ZNF704: variants seen among roughly 807,000 people sequenced by gnomAD.
ZNF704 encodes zinc finger protein 704.
Under a neutral mutation model 44.7 loss-of-function variants are expected in ZNF704, and 10 were observed. The ratio of observed to expected loss-of-function variants is 0.22; its 90% CI spans 0.14 to 0.38. The LOEUF (loss-of-function observed/expected upper bound fraction) is 0.38. Among genes scored for constraint, ZNF704 ranks in the 10% least tolerant of loss-of-function variants. The pLI, the probability that ZNF704 is intolerant of heterozygous loss-of-function variation, is 1.00. For synonymous variants in ZNF704, 211 were observed against 207.6 expected (o/e 1.02, Z -0.14); for missense variants, 390 against 545.5 (o/e 0.71, Z 2.84).
intron 2 of ZNF704, among the ~76,000 whole-genome samples, chr8:80,718,484 GT>G (rs1819109892): frequency 1.3e-5 from 2 of 152,180 alleles, no homozygotes; most frequent in South Asian, 4.1e-4. Context: ...GCTTCAGCCC[GT>G]AAAATTGGAC....
At chr8:80,660,640 T>C (rs1466449014) in intron 6 of ZNF704, among the ~76,000 whole-genome samples, 2 of 151,974 alleles carry the variant, frequency 1.3e-5, no homozygotes, top group Non-Finnish European at 2.9e-5. Context: ...GTCCACATAT[T>C]TACAACCAAC....
intron 2 of ZNF704, among the ~76,000 whole-genome samples, chr8:80,766,690 C>A (rs1268551027): frequency 6.6e-6 from 1 of 152,032 alleles, no homozygotes; most frequent in Non-Finnish European, 1.5e-5. Context: ...AAGGACATTA[C>A]CGTTATCCAG....
intron 2 of ZNF704, among the ~76,000 whole-genome samples, chr8:80,797,925 T>C (rs754629566): frequency 1.3e-4 from 20 of 152,184 alleles, no homozygotes; most frequent in Non-Finnish European, 2.8e-4. Context: ...ATAAATTCCA[T>C]TTTAAGTCAA....
At chr8:80,793,791 T>C (rs1586031896) in intron 2 of ZNF704, among the ~76,000 whole-genome samples, 1 of 152,318 alleles carries the variant, frequency 6.6e-6, no homozygotes, top group South Asian at 2.1e-4. Context: ...GTTTCATTAA[T>C]TTTATTGACC....
At chr8:80,692,367 C>A (rs189679245) in intron 3 of ZNF704, among the ~76,000 whole-genome samples, 1 of 152,058 alleles carries the variant, frequency 6.6e-6, no homozygotes, top group Admixed American at 6.6e-5. Context: ...GAATTACAGG[C>A]GATAAGGCAA....
chr8:80,762,820 G>T (rs371321738), intron 2 of ZNF704, among the ~76,000 whole-genome samples: 3 of 152,274 alleles, frequency 2.0e-5, no homozygotes, highest in East Asian at 1.9e-4. Context: ...CCTATCAAAA[G>T]CAAGTTAGTT....
chr8:80,804,777 G>A (rs778071861), intron 2 of ZNF704, among the ~76,000 whole-genome samples: 5 of 151,996 alleles, frequency 3.3e-5, no homozygotes, highest in Non-Finnish European at 4.4e-5. Context: ...AACCACCATG[G>A]CACATGTTTA....
intron 2 of ZNF704, among the ~76,000 whole-genome samples, chr8:80,764,120 C>T (rs1807178750): frequency 6.6e-6 from 1 of 152,210 alleles, no homozygotes; most frequent in African/African-American, 2.4e-5. Flanking sequence ...CTGCCTGTTA[C>T]CCAGTTCCAA....
chr8:80,696,958 G>A (rs1473897410), intron 2 of ZNF704, among the ~76,000 whole-genome samples: 2 of 152,102 alleles, frequency 1.3e-5, no homozygotes, highest in African/African-American at 4.8e-5. Context: ...AAAAAGTTTT[G>A]GGCTTTGGAG....
intron 2 of ZNF704, among the ~76,000 whole-genome samples, chr8:80,765,932 C>T (rs1302635098): frequency 6.6e-6 from 1 of 152,026 alleles, no homozygotes; most frequent in Non-Finnish European, 1.5e-5. Flanking sequence ...GCCACATCTA[C>T]CAAGCAATAA....
chr8:80,850,078 G>C (rs1325333239), intron 1 of ZNF704, among the ~76,000 whole-genome samples: 2 of 151,906 alleles, frequency 1.3e-5, no homozygotes, highest in African/African-American at 4.8e-5. Context: ...AATGTTGCTG[G>C]GTTTGTACTT....
Position 80,643,072 on chromosome 8 carries a change from C to T in ZNF704, c.1090G>A (p.Val364Ile). 6.2e-7 allele frequency: 1 copy of T among 1,604,382 alleles called. No homozygotes were observed. Among genetic ancestry groups the T allele is most frequent in the Non-Finnish European group, 8.5e-7 (1 of 1,175,400 alleles). The change falls in exon 8 of 9, where the codon GTC (valine) becomes ATC (isoleucine). Residue 364 changes from valine to isoleucine, a missense_variant. Physicochemically the swap from Val to Ile is conservative, Grantham distance 29 (BLOSUM62 3). This residue lies in a region of ZNF704 where 305 missense variants were observed against 435.7 expected (regional missense o/e 0.70). Transcript: ENST00000327835. ...TGEQRQHAHT[V>I]LSSPPRGTVS... ...GTGCCTCTGGGTGGGGAGGACAGGA[C>T]CGTGTGCGCATGCTGTCTCTGCTCT...
chr8:80,787,289 C>T (rs1807630414), intron 2 of ZNF704, among the ~76,000 whole-genome samples: 1 of 152,148 alleles, frequency 6.6e-6, no homozygotes, highest in African/African-American at 2.4e-5. Context: ...CATATGAGAG[C>T]ACACGTGTGT....
intron 4 of ZNF704, among the ~76,000 whole-genome samples, chr8:80,678,786 G>T (rs1439064877): frequency 6.6e-6 from 1 of 152,106 alleles, no homozygotes; most frequent in Admixed American, 6.5e-5. Context: ...GACCTGTCAG[G>T]TCTACACCAT....
rs1183359686 is a variant in ZNF704, at chr8:80,874,015, G to A, written c.-22+556C>T. ...CGCCCCCCCGGCGGCTGCCCAGGCT[G>A]GAGCGCTTGGCTAGACGCCGCGCCT... On this transcript the variant is annotated intron_variant, in intron 1 of 8. Coordinates refer to ENST00000327835, the MANE Select transcript of ZNF704 (RefSeq NM_001033723.3). The surrounding 1 kb of genome is among the most constrained non-coding windows in gnomAD (Gnocchi z 4.4). Among the ~76,000 whole-genome samples, 1 of 146,798 alleles carries A rather than the reference G, an allele frequency of 6.8e-6. No individual in the cohort carries two copies. Among genetic ancestry groups the A allele is most frequent in the African/African-American group, 2.4e-5 (1 of 40,918 alleles).
intron 4 of ZNF704, among the ~76,000 whole-genome samples, chr8:80,685,742 T>C (rs555994187): frequency 6.6e-6 from 1 of 152,216 alleles, no homozygotes; most frequent in South Asian, 2.1e-4. Context: ...TCAGCCTTTT[T>C]CACATGTACA....
chr8:80,866,108 G>C (rs1163659042), intron 1 of ZNF704, among the ~76,000 whole-genome samples: 2 of 152,072 alleles, frequency 1.3e-5, no homozygotes, highest in African/African-American at 4.8e-5. Flanking sequence ...AGCTATTCAG[G>C]AATCACCTCC....
intron 2 of ZNF704, among the ~76,000 whole-genome samples, chr8:80,750,054 C>T (rs796389536): frequency 4.6e-5 from 7 of 152,244 alleles, no homozygotes; most frequent in African/African-American, 1.7e-4. Context: ...TTAACTATCC[C>T]TTAGGCTAAT....
At chr8:80,643,433 G>A (rs966505870) in intron 7 of ZNF704, among the ~76,000 whole-genome samples, 3 of 147,950 alleles carry the variant, frequency 2.0e-5, no homozygotes, top group East Asian at 4.0e-4. Flanking sequence ...CAGGAGAACT[G>A]CTTGAACCCC....
Sources: allele counts gnomAD v4.1 joint callset (sites outside exome capture counted in the v4.1 genomes callset), GRCh38; gene constraint gnomAD v4.1.1; regional missense constraint gnomAD v4.1.1; non-coding constraint Gnocchi (gnomAD v3.1); transcripts MANE v1.5; gene names NCBI Gene and HGNC (gene_info 2026-07-23, HGNC 2026-07-21).